Variants in TBC1D19 observed in about 807,000 individuals in gnomAD.
TBC1D19 encodes the protein TBC1 domain family, member 19.
In TBC1D19, 60 loss-of-function variants were observed where a neutral mutation model predicts 89.0. That is an observed-to-expected ratio of 0.67 (90% CI 0.55 to 0.84). The LOEUF (loss-of-function observed/expected upper bound fraction) is 0.84, where lower values mean the gene tolerates loss of function less well. Among genes scored for constraint, TBC1D19 ranks in the 40% least tolerant of loss-of-function variants. The pLI is 0.00. For synonymous variants in TBC1D19, 189 were observed against 199.7 expected (o/e 0.95, Z 0.45); for missense variants, 500 against 610.8 (o/e 0.82, Z 1.91).
intron 11 of TBC1D19, 34 bp from the exon 12 acceptor site, chr4:26,683,641 A>T: frequency 6.5e-7 from 1 of 1,539,506 alleles, no homozygotes; most frequent in Non-Finnish European, 8.9e-7. Flanking sequence ...AATGTGATTG[A>T]CCTTTAATTT....
At chr4:26,833,736 A>C in the TBC1D19 span, among the ~76,000 whole-genome samples, 1 of 152,336 alleles carries the variant, frequency 6.6e-6, no homozygotes, top group South Asian at 2.1e-4. Flanking sequence ...GTTGCCTCTT[A>C]GTGGCTAGCC....
Position 26,754,934 on chromosome 4 carries a change from C to G in TBC1D19, c.1568C>G (p.Ala523Gly). 1.2e-6 allele frequency: 2 copies of G among 1,606,014 alleles called. No homozygotes were observed. Among genetic ancestry groups the G allele is most frequent in the East Asian group, 4.5e-5 (2 of 44,214 alleles). ...CCTCTTCTTCAGATTTTTCTGTTTG[C>G]TACTGTCACCTGATCTTCTTCACAG... ...VMPLLQIFLF[A>G]TVT Residue 523 changes from alanine (A) to glycine (G), a missense_variant, in exon 21 of 21, where the codon GCT becomes GGT. Physicochemically the swap from Ala to Gly is moderately conservative, Grantham distance 60. Around this residue, in one of 2 missense-constraint regions of TBC1D19, gnomAD observed 220 missense variants for 319.1 expected, o/e 0.69. Coordinates refer to ENST00000264866, the MANE Select transcript of TBC1D19 (RefSeq NM_018317.4).
chr4:26,851,335 A>ATCTATCTATCTC, the TBC1D19 span, among the ~76,000 whole-genome samples: 38 of 103,328 alleles, frequency 3.7e-4, no homozygotes, highest in African/African-American at 1.4e-3. Context: ...CTATCTATCT[A>ATCTATCTATCTC]TCTATCTATC....
the TBC1D19 span, among the ~76,000 whole-genome samples, chr4:26,786,200 T>C: frequency 6.6e-6 from 1 of 152,224 alleles, no homozygotes; most frequent in Non-Finnish European, 1.5e-5. Flanking sequence ...CTCTTGCTCC[T>C]GGGACGTGGC....
At chr4:26,697,781 T>G (rs1477359173) in intron 13 of TBC1D19, among the ~76,000 whole-genome samples, 5 of 152,190 alleles carry the variant, frequency 3.3e-5, no homozygotes, top group Non-Finnish European at 7.3e-5. Context: ...TCTCAATAGA[T>G]GCAGGAAAGG....
chr4:26,857,583 G>A, the TBC1D19 span: 4 of 152,200 alleles, frequency 2.6e-5, no homozygotes, highest in Non-Finnish European at 4.4e-5. Context: ...CCCGCCCACA[G>A]AGTGGGAGCC....
chr4:26,578,607 T>C (rs1458802596), intron 1 of TBC1D19, among the ~76,000 whole-genome samples: 1 of 151,204 alleles, frequency 6.6e-6, no homozygotes, highest in African/African-American at 2.4e-5. Flanking sequence ...GCACGTGCAA[T>C]TATGTATGTG....
chr4:26,617,152 G>A (rs978554139), intron 3 of TBC1D19, among the ~76,000 whole-genome samples: 2 of 152,198 alleles, frequency 1.3e-5, no homozygotes, highest in African/African-American at 4.8e-5. Context: ...CCAGCATCTG[G>A]TGAGAGCCTT....
intron 1 of TBC1D19, among the ~76,000 whole-genome samples, chr4:26,584,591 A>G (rs1270151222): frequency 6.6e-6 from 1 of 152,096 alleles, no homozygotes; most frequent in Non-Finnish European, 1.5e-5. Context: ...ACGCTTACTC[A>G]TTTATCTATT....
the TBC1D19 span, among the ~76,000 whole-genome samples, chr4:26,846,195 T>C: frequency 6.6e-6 from 1 of 152,238 alleles, no homozygotes; most frequent in African/African-American, 2.4e-5. Flanking sequence ...TTTCTACCTT[T>C]TGGCTATTGT....
the TBC1D19 span, among the ~76,000 whole-genome samples, chr4:26,832,790 C>T: frequency 6.6e-6 from 1 of 151,982 alleles, no homozygotes; most frequent in Admixed American, 6.6e-5. Flanking sequence ...GTCAGGTGAC[C>T]AGAGACCAGC....
At chr4:26,797,277 A>G in the TBC1D19 span, among the ~76,000 whole-genome samples, 2 of 152,156 alleles carry the variant, frequency 1.3e-5, no homozygotes, top group Non-Finnish European at 2.9e-5. Flanking sequence ...TCAATCCAAA[A>G]AAAAGAACTC....
At chr4:26,687,001 A>C (rs1246671888) in intron 12 of TBC1D19, among the ~76,000 whole-genome samples, 1 of 151,998 alleles carries the variant, frequency 6.6e-6, no homozygotes, top group Non-Finnish European at 1.5e-5. Flanking sequence ...GATGGTAAAC[A>C]TTTATTATTT....
intron 13 of TBC1D19, among the ~76,000 whole-genome samples, chr4:26,690,288 A>C (rs1337446683): frequency 6.6e-6 from 1 of 152,214 alleles, no homozygotes; most frequent in Non-Finnish European, 1.5e-5. Context: ...ATAACTTAAA[A>C]AATGCAAGGT....
chr4:26,610,419 T>C (rs1437217197), intron 1 of TBC1D19, among the ~76,000 whole-genome samples: 2 of 151,694 alleles, frequency 1.3e-5, no homozygotes, highest in Admixed American at 6.6e-5. Context: ...CATTTCTTTT[T>C]TTTTTTTTTT....
At chr4:26,765,087 CTG>C in the TBC1D19 span, among the ~76,000 whole-genome samples, 11 of 152,084 alleles carry the variant, frequency 7.2e-5, no homozygotes, top group African/African-American at 2.7e-4. Flanking sequence ...AAGAAGAAAA[CTG>C]AGTTGCAAGC....
chr4:26,606,724 C>T (rs549904467), intron 1 of TBC1D19, among the ~76,000 whole-genome samples: 16 of 152,198 alleles, frequency 1.1e-4, no homozygotes, highest in African/African-American at 3.6e-4. Flanking sequence ...ACTTCTAACC[C>T]TACAGTTCCA....
At chr4:26,734,887 CGT>C (rs1717870683) in intron 15 of TBC1D19, among the ~76,000 whole-genome samples, 1 of 115,506 alleles carries the variant, frequency 8.7e-6, no homozygotes, top group East Asian at 3.0e-4. Flanking sequence ...TATATGTATA[CGT>C]ATGTGTGTGT....
chr4:26,675,333 G>A (rs76376709), intron 11 of TBC1D19, among the ~76,000 whole-genome samples: 1,920 of 151,818 alleles, frequency 0.013, 35 homozygotes, highest in African/African-American at 0.043. Flanking sequence ...ATAATCCCAG[G>A]TAATCATTTT....
Sources: gnomAD v4.1 joint callset for allele counts (sites outside exome capture counted in the v4.1 genomes callset) on GRCh38, gnomAD v4.1.1 for gene constraint, gnomAD v4.1.1 regional missense constraint, MANE v1.5 for transcripts, NCBI Gene and HGNC (gene_info 2026-07-23, HGNC 2026-07-21) for gene names.